Variants in AKT3 observed in about 807,000 individuals in gnomAD.
AKT3 encodes the protein AKT serine/threonine kinase 3.
Under a neutral mutation model 65.3 loss-of-function variants are expected in AKT3, and 15 were observed. That is an observed-to-expected ratio of 0.23 (90% CI 0.15 to 0.35). The LOEUF (loss-of-function observed/expected upper bound fraction) is 0.35, where lower values mean the gene tolerates loss of function less well. Among genes scored for constraint, AKT3 ranks in the 10% least tolerant of loss-of-function variants. The pLI is 1.00. For missense variants in AKT3, 243 were observed against 576.5 expected, an observed-to-expected ratio of 0.42 and a Z score of 5.92; for synonymous variants, 206 against 183.8, an observed-to-expected ratio of 1.12 and a Z score of -0.98.
At chr1:243,539,872 A>G (rs1252477000) in intron 12 of AKT3, among the ~76,000 whole-genome samples, 2 of 152,212 alleles carry the variant, frequency 1.3e-5, no homozygotes, top group African/African-American at 4.8e-5. Flanking sequence ...AAAGACACAA[A>G]GAGCAAAATT....
chr1:243,604,331 A>G (rs1449827647), intron 8 of AKT3, among the ~76,000 whole-genome samples: 2 of 152,150 alleles, frequency 1.3e-5, no homozygotes, highest in Admixed American at 1.3e-4. Flanking sequence ...CATTTCCCCC[A>G]AAGAAATTCT....
chr1:243,602,777 G>A (rs572218145), intron 8 of AKT3, among the ~76,000 whole-genome samples: 1 of 152,138 alleles, frequency 6.6e-6, no homozygotes, highest in Non-Finnish European at 1.5e-5. Context: ...AACTGAAACT[G>A]TTAGCTTCAT....
Position 243,572,906 on chromosome 1 carries a change from T to G in AKT3, c.819+20A>C. The G allele has an allele frequency of 2.5e-6, 4 of 1,579,916 alleles. No individual in the cohort carries two copies. The highest frequency in any genetic ancestry group is 3.4e-6 in the Non-Finnish European group (4 of 1,166,780). ...AGTCTCTGCAAAAACAAATTTTGAT[T>G]ACTTTTTTTTTTTTTTTACCTTGAG... On this transcript the variant is annotated intron_variant, in intron 9 of 13. Coordinates refer to ENST00000673466, the MANE Select transcript of AKT3 (RefSeq NM_005465.7).
chr1:243,832,225 G>C (rs1167164081), intron 2 of AKT3, among the ~76,000 whole-genome samples: 1 of 141,152 alleles, frequency 7.1e-6, no homozygotes, highest in Non-Finnish European at 1.5e-5. Context: ...TTAAGAAAAA[G>C]CTATCTTTCT....
intron 13 of AKT3, among the ~76,000 whole-genome samples, chr1:243,509,093 T>C (rs1244807280): frequency 6.6e-6 from 1 of 152,228 alleles, no homozygotes; most frequent in East Asian, 1.9e-4. Context: ...CCTATTATCA[T>C]TTAAAGACAC....
At chr1:243,557,353 A>C (rs1218628619) in intron 10 of AKT3, among the ~76,000 whole-genome samples, 1 of 152,094 alleles carries the variant, frequency 6.6e-6, no homozygotes, top group Non-Finnish European at 1.5e-5. Flanking sequence ...ATTTAAAATT[A>C]AACTTCATGC....
intron 12 of AKT3, among the ~76,000 whole-genome samples, chr1:243,530,247 T>C (rs539698645): frequency 2.6e-5 from 4 of 152,276 alleles, no homozygotes; most frequent in East Asian, 1.9e-4. Context: ...TTTAGGTATA[T>C]AGAACCATAC....
At chr1:243,685,581 G>C (rs1684230620) in intron 3 of AKT3, among the ~76,000 whole-genome samples, 1 of 152,116 alleles carries the variant, frequency 6.6e-6, no homozygotes, top group Non-Finnish European at 1.5e-5. Context: ...TGTTACTGTA[G>C]CCTTGTAGTA....
At chr1:243,639,164 T>C (rs1477216069) in intron 5 of AKT3, among the ~76,000 whole-genome samples, 1 of 152,198 alleles carries the variant, frequency 6.6e-6, no homozygotes, top group African/African-American at 2.4e-5. Context: ...GTCTCAAGCT[T>C]TGAAAGCTCT....
intron 2 of AKT3, among the ~76,000 whole-genome samples, chr1:243,696,745 G>A (rs560031483): frequency 4.6e-5 from 7 of 152,048 alleles, no homozygotes; most frequent in Non-Finnish European, 5.9e-5. Context: ...CTCTGATTGA[G>A]CCCAATCAAC....
At chr1:243,508,089 T>C (rs1037854094) in intron 13 of AKT3, among the ~76,000 whole-genome samples, 1 of 152,212 alleles carries the variant, frequency 6.6e-6, no homozygotes, top group Admixed American at 6.5e-5. Flanking sequence ...CTCTGTGTGT[T>C]AGCACTTAGG....
intron 1 of AKT3, among the ~76,000 whole-genome samples, chr1:243,847,363 T>C (rs550471528): frequency 3.9e-5 from 6 of 152,250 alleles, no homozygotes; most frequent in Admixed American, 2.0e-4. Flanking sequence ...AACTAACAAG[T>C]TGTTAACAGT....
At chr1:243,832,993 C>T (rs1694635336) in intron 2 of AKT3, among the ~76,000 whole-genome samples, 2 of 152,130 alleles carry the variant, frequency 1.3e-5, no homozygotes, top group Non-Finnish European at 2.9e-5. Context: ...GGCGCAGTGG[C>T]TCACACCTGT....
chr1:243,842,691 C>T (rs1225524938), intron 2 of AKT3, among the ~76,000 whole-genome samples: 1 of 152,118 alleles, frequency 6.6e-6, no homozygotes, highest in Non-Finnish European at 1.5e-5. Flanking sequence ...TGAACCCTTT[C>T]CCCTTTTCTA....
chr1:243,664,731 G>T (rs1236102734), intron 4 of AKT3, 41 bp downstream of exon 4: 4 of 962,268 alleles, frequency 4.2e-6, no homozygotes, highest in African/African-American at 1.7e-5. Context: ...TTTAGATTGA[G>T]TGTTGCTTTT....
At chr1:243,820,927 C>G (rs1188658560) in intron 2 of AKT3, among the ~76,000 whole-genome samples, 1 of 152,044 alleles carries the variant, frequency 6.6e-6, no homozygotes, top group Non-Finnish European at 1.5e-5. Flanking sequence ...CCAGGAAATC[C>G]AGAGAACCCC....
At position 243,511,480 on chromosome 1, in the gene AKT3, C is replaced by T. The variant is rs114174591; in HGVS notation, c.1354+844G>A. ...ATCAGCACTATGGATAAATCTGCCT[C>T]CAAAAAAGGAATGAGAGGAGAAGAC... On this transcript the variant is annotated intron_variant, in intron 13 of 13. Transcript: ENST00000673466. Among the ~76,000 whole-genome samples, 1,507 of 151,576 alleles carry T rather than the reference C, an allele frequency of 9.9e-3. 28 individuals are homozygous for T. The highest frequency in any genetic ancestry group is 0.035 in the African/African-American group (1,456 of 41,282).
intron 5 of AKT3, among the ~76,000 whole-genome samples, chr1:243,642,570 A>C (rs538726824): frequency 6.6e-6 from 1 of 152,214 alleles, no homozygotes; most frequent in Admixed American, 6.6e-5. Flanking sequence ...TGGCCTCCCA[A>C]AGTGCTGGGA....
intron 9 of AKT3, among the ~76,000 whole-genome samples, chr1:243,566,449 T>C (rs1316228669): frequency 2.0e-5 from 3 of 152,296 alleles, no homozygotes; most frequent in Admixed American, 6.5e-5. Context: ...ACTTGTTTTA[T>C]AAATTAGCTT....
Sources: allele counts gnomAD v4.1 joint callset (sites outside exome capture counted in the v4.1 genomes callset), GRCh38; gene constraint gnomAD v4.1.1; transcripts MANE v1.5; gene names NCBI Gene and HGNC (gene_info 2026-07-23, HGNC 2026-07-21).